The following GRIA3 variants were observed in gnomAD, a reference collection of about 807,000 sequenced individuals.
GRIA3 encodes the protein glutamate ionotropic receptor AMPA type subunit 3.
GRIA3 carries 3 observed loss-of-function variants against 63.0 expected under a neutral mutation model. The ratio of observed to expected loss-of-function variants is 0.05; its 90% CI spans 0.02 to 0.12. GRIA3 has a LOEUF of 0.12. Ranked by LOEUF, GRIA3 falls within the 10% of genes least tolerant of loss-of-function variation. GRIA3 has a pLI of 1.00. For missense variants in GRIA3, 347 were observed against 700.9 expected (o/e 0.50, Z 5.70); for synonymous variants, 274 against 257.9 (o/e 1.06, Z -0.60).
intron 3 of GRIA3, among the ~76,000 whole-genome samples, chrX:123,254,146 G>GTTTTGT (rs982221307): frequency 2.7e-5 from 3 of 111,185 alleles, no homozygotes; most frequent in East Asian, 2.8e-4. Flanking sequence ...TTTGTTTTTG[G>GTTTTGT]TTTTGTTTTT....
At chrX:123,192,417 A>G (rs1446625920) in intron 2 of GRIA3, among the ~76,000 whole-genome samples, 1 of 111,359 alleles carries the variant, frequency 9.0e-6, no homozygotes, top group Non-Finnish European at 1.9e-5. Flanking sequence ...TTTAAGAGGT[A>G]ACATCCCTCT....
chrX:123,462,899 A>AG (rs1233612382), intron 12 of GRIA3, among the ~76,000 whole-genome samples: 1 of 111,862 alleles, frequency 8.9e-6, no homozygotes, highest in Non-Finnish European at 1.9e-5. Context: ...TTCATTCCTA[A>AG]GGACCTAGCT....
At chrX:123,307,416 G>A (rs1399580616) in intron 3 of GRIA3, among the ~76,000 whole-genome samples, 1 of 111,904 alleles carries the variant, frequency 8.9e-6, no homozygotes, top group African/African-American at 3.2e-5. Flanking sequence ...ACAAAAACTA[G>A]ATGCTTTGAG....
intron 2 of GRIA3, among the ~76,000 whole-genome samples, chrX:123,250,030 C>T (rs1025360383): frequency 9.0e-6 from 1 of 111,218 alleles, no homozygotes; most frequent in Non-Finnish European, 1.9e-5. Context: ...TTAAAACAAG[C>T]AAAAATAATA....
rs191585914 is a variant in GRIA3, at chrX:123,485,869, A to T, written c.*2+2823A>T. Among the ~76,000 whole-genome samples, 9 of 111,143 alleles carry T rather than the reference A, an allele frequency of 8.1e-5. No homozygotes were observed. The East Asian group carries it at 2.3e-3, about 28-fold the overall frequency. The stretch of plus-strand genomic sequence containing the variant: ...GCAACTCATGTGGGAACCTTCTAAA[A>T]ATATAGATCCTGATCCAGCAGGTCT... On this transcript the variant is annotated intron_variant, in intron 15 of 15. Transcript: ENST00000620443.
intron 5 of GRIA3, among the ~76,000 whole-genome samples, chrX:123,394,395 T>C (rs1245015532): frequency 9.1e-6 from 1 of 109,503 alleles, no homozygotes; most frequent in Non-Finnish European, 1.9e-5. Context: ...CGAGATTCTA[T>C]CTCAAAAAAA....
chrX:123,414,594 C>A (rs192510269), intron 10 of GRIA3, among the ~76,000 whole-genome samples: 416 of 100,464 alleles, frequency 4.1e-3, no homozygotes, highest in Non-Finnish European at 6.9e-3. Context: ...CCGACAGGCC[C>A]CAGTGTGTGG....
intron 3 of GRIA3, among the ~76,000 whole-genome samples, chrX:123,293,672 G>A (rs760409536): frequency 1.8e-5 from 2 of 110,190 alleles, no homozygotes; most frequent in East Asian, 2.9e-4. Flanking sequence ...GAAGCAAAAC[G>A]GAGAATGGCT....
intron 4 of GRIA3, among the ~76,000 whole-genome samples, chrX:123,338,740 C>A (rs917962248): frequency 1.8e-5 from 2 of 111,000 alleles, no homozygotes; most frequent in Non-Finnish European, 1.9e-5. Flanking sequence ...TTAGTAGAGA[C>A]GGGGTTTTAC....
intron 3 of GRIA3, among the ~76,000 whole-genome samples, chrX:123,318,581 G>C (rs1053167208): frequency 1.8e-5 from 2 of 111,901 alleles, no homozygotes; most frequent in Non-Finnish European, 3.8e-5. Context: ...CATAACAAGA[G>C]TCACCTTTGC....
At chrX:123,224,553 T>C (rs1386540355) in intron 2 of GRIA3, among the ~76,000 whole-genome samples, 1 of 111,683 alleles carries the variant, frequency 9.0e-6, no homozygotes, top group Non-Finnish European at 1.9e-5. Context: ...ATATCTGACA[T>C]TTCCACTCTG....
chrX:123,384,268 A>T (rs1286233777), intron 5 of GRIA3, among the ~76,000 whole-genome samples: 1 of 112,189 alleles, frequency 8.9e-6, no homozygotes, highest in Admixed American at 9.4e-5. Context: ...AAGTCTGAGA[A>T]ATTTCCATAC....
intron 3 of GRIA3, among the ~76,000 whole-genome samples, chrX:123,261,482 T>C (rs190594460): frequency 8.9e-6 from 1 of 112,011 alleles, no homozygotes; most frequent in East Asian, 2.8e-4. Flanking sequence ...TTTAACTCCT[T>C]GGTGGCAGTG....
At chrX:123,250,294 A>T (rs1047491058) in intron 2 of GRIA3, among the ~76,000 whole-genome samples, 4 of 111,701 alleles carry the variant, frequency 3.6e-5, no homozygotes, top group Admixed American at 9.5e-5. Flanking sequence ...ATAAAATATT[A>T]AAAGTCCGTG....
chrX:123,272,418 G>A (rs2044529542), intron 3 of GRIA3, among the ~76,000 whole-genome samples: 1 of 112,069 alleles, frequency 8.9e-6, no homozygotes, highest in African/African-American at 3.2e-5. Flanking sequence ...CTGAATAGTG[G>A]GTGCAGAAGC....
intron 12 of GRIA3, among the ~76,000 whole-genome samples, chrX:123,461,581 A>G (rs751232900): frequency 1.8e-5 from 2 of 112,238 alleles, no homozygotes; most frequent in African/African-American, 6.5e-5. Context: ...AACCAAGATC[A>G]TAAGCACTCT....
intron 12 of GRIA3, among the ~76,000 whole-genome samples, chrX:123,459,963 C>G (rs1019175256): frequency 9.0e-6 from 1 of 111,435 alleles, no homozygotes; most frequent in African/African-American, 3.3e-5. Context: ...TTTCTTTTCC[C>G]CCTTCTAATC....
At chrX:123,391,007 T>G (rs1245345475) in intron 5 of GRIA3, among the ~76,000 whole-genome samples, 1 of 111,149 alleles carries the variant, frequency 9.0e-6, no homozygotes, top group Non-Finnish European at 1.9e-5. Context: ...TTTAGCTATC[T>G]CTTTGGTAAA....
At position 123,435,276 on chromosome X, in the gene GRIA3, A is replaced by G. The variant is rs2045638382; in HGVS notation, c.2076+7137A>G. ...AGGAAGATCAGCTAGTTTATGAATGAAACAGAAATGGCCTCTACCCTCTTG... is the reference window on the plus strand; with the variant it reads ...AGGAAGATCAGCTAGTTTATGAATGGAACAGAAATGGCCTCTACCCTCTTG... On this transcript the variant is annotated intron_variant, in intron 12 of 15. Transcript: ENST00000620443. Among the ~76,000 whole-genome samples, 3 of 112,156 alleles carry G rather than the reference A, an allele frequency of 2.7e-5. No individual in the cohort carries two copies. In the South Asian group the frequency reaches 1.1e-3, roughly 42 times the overall value.
Sources: gnomAD v4.1 joint callset for allele counts (sites outside exome capture counted in the v4.1 genomes callset) on GRCh38, gnomAD v4.1.1 for gene constraint, MANE v1.5 for transcripts, NCBI Gene and HGNC (gene_info 2026-07-23, HGNC 2026-07-21) for gene names.